PFKFB3: variants seen among roughly 807,000 people sequenced by gnomAD.
PFKFB3 encodes the protein 6-phosphofructo-2-kinase/fructose-2,6-biphosphatase 3.
In PFKFB3, 33 loss-of-function variants were observed where a neutral mutation model predicts 68.0. The ratio of observed to expected loss-of-function variants is 0.49; its 90% CI spans 0.37 to 0.65. The LOEUF is 0.65. Ranked by LOEUF, PFKFB3 falls within the 30% of genes least tolerant of loss-of-function variation. PFKFB3 has a pLI of 0.00. For synonymous variants in PFKFB3, 315 were observed against 288.2 expected (o/e 1.09, Z -0.94); for missense variants, 586 against 712.2 (o/e 0.82, Z 2.02).
intron 1 of PFKFB3, among the ~76,000 whole-genome samples, chr10:6,177,401 T>TTTCTTTCTTTC (rs1367142859): frequency 6.9e-6 from 1 of 143,932 alleles, no homozygotes; most frequent in African/African-American, 2.5e-5. Context: ...TCTTTCTTTC[T>TTTCTTTCTTTC]TTCTTTCTTC....
chr10:6,203,398 G>A, intron 1 of PFKFB3, 62 bp downstream of exon 1: 1 of 1,383,906 alleles, frequency 7.2e-7, no homozygotes, highest in South Asian at 1.3e-5. Context: ...GCCATTGTGT[G>A]GGGCGGCTTT....
At chr10:6,165,827 T>C (rs1452656655) in intron 1 of PFKFB3, among the ~76,000 whole-genome samples, 1 of 152,076 alleles carries the variant, frequency 6.6e-6, no homozygotes, top group Non-Finnish European at 1.5e-5. Context: ...CTTTGTTTTT[T>C]TTTTTGAGAC....
Position 6,202,966 on chromosome 10 carries a change from G to A in PFKFB3, c.-295G>A, listed in dbSNP as rs1843431958. 6 of 1,287,362 alleles carry A rather than the reference G, an allele frequency of 4.7e-6. No individual in the cohort carries two copies. Among genetic ancestry groups the A allele is most frequent in the South Asian group, 3.8e-5 (2 of 52,618 alleles). The allele number at this position is 1,287,362 out of a possible 1,614,324, so 79.7% of individuals were successfully genotyped here. Reference sequence around the variant, plus strand: ...GGAGAGGAGGCGAGCAGCAGGGCCTGGTGGCGAGAGCGCGGCTGTCACTGC... The same window carrying A: ...GGAGAGGAGGCGAGCAGCAGGGCCTAGTGGCGAGAGCGCGGCTGTCACTGC... On this transcript the variant is annotated 5_prime_UTR_variant, in exon 1 of 15. Transcript: ENST00000379775.
At chr10:6,315,369 G>T in the PFKFB3 span, among the ~76,000 whole-genome samples, 10 of 152,348 alleles carry the variant, frequency 6.6e-5, no homozygotes, top group East Asian at 1.9e-3. Context: ...TAAAGCGAAA[G>T]CAAGTTTATT....
At chr10:6,311,931 C>G in the PFKFB3 span, among the ~76,000 whole-genome samples, 2 of 152,104 alleles carry the variant, frequency 1.3e-5, no homozygotes, top group Non-Finnish European at 2.9e-5. Flanking sequence ...AAACCAGGTC[C>G]CTGAAATAGC....
At chr10:6,304,594 C>G in the PFKFB3 span, among the ~76,000 whole-genome samples, 1 of 151,322 alleles carries the variant, frequency 6.6e-6, no homozygotes, top group African/African-American at 2.4e-5. Context: ...CTCCTGATCT[C>G]AAGTGATCTG....
intron 10 of PFKFB3, 45 bp from the exon 11 acceptor site, chr10:6,222,810 T>G: frequency 6.4e-7 from 1 of 1,573,092 alleles, no homozygotes; most frequent in Non-Finnish European, 8.7e-7. Flanking sequence ...GCAGAGCCCC[T>G]CCCGAGTGCC....
At chr10:6,311,139 C>T in the PFKFB3 span, among the ~76,000 whole-genome samples, 1 of 152,214 alleles carries the variant, frequency 6.6e-6, no homozygotes, top group Non-Finnish European at 1.5e-5. Flanking sequence ...TTTGTGGTTT[C>T]ACAGCCTCTC....
At chr10:6,306,733 C>G in the PFKFB3 span, among the ~76,000 whole-genome samples, 8 of 152,192 alleles carry the variant, frequency 5.3e-5, no homozygotes, top group Non-Finnish European at 1.0e-4. Context: ...GTCCTGGGCC[C>G]TGCAAAGGAG....
the PFKFB3 span, among the ~76,000 whole-genome samples, chr10:6,311,490 T>C: frequency 4.8e-5 from 7 of 144,522 alleles, 1 homozygote; most frequent in South Asian, 1.6e-3. Context: ...CCAGTGGCTC[T>C]CTGGGCCCAG....
the PFKFB3 span, among the ~76,000 whole-genome samples, chr10:6,266,145 G>A: frequency 2.0e-5 from 3 of 152,174 alleles, no homozygotes; most frequent in South Asian, 4.1e-4. Flanking sequence ...TTGGGCTCAA[G>A]TGATCCTTCT....
At chr10:6,288,774 G>A in the PFKFB3 span, among the ~76,000 whole-genome samples, 43 of 152,236 alleles carry the variant, frequency 2.8e-4, no homozygotes, top group Middle Eastern at 6.8e-3. Context: ...TTGCAGAATC[G>A]CCACACTGTC....
the PFKFB3 span, among the ~76,000 whole-genome samples, chr10:6,297,776 C>T: frequency 1.3e-5 from 2 of 152,240 alleles, no homozygotes; most frequent in Admixed American, 6.5e-5. Flanking sequence ...GTAGGCTGAC[C>T]TTTCCTTCTC....
chr10:6,218,076 A>G (rs1466522051), intron 6 of PFKFB3, among the ~76,000 whole-genome samples: 1 of 152,208 alleles, frequency 6.6e-6, no homozygotes, highest in Non-Finnish European at 1.5e-5. Flanking sequence ...AAGTCAGTTT[A>G]GATTTGTCCA....
downstream of PFKFB3, among the ~76,000 whole-genome samples, chr10:6,236,581 C>G (rs1017688748): frequency 6.6e-6 from 1 of 152,238 alleles, no homozygotes; most frequent in African/African-American, 2.4e-5. Context: ...GGGTTGCGAT[C>G]TGGCTGCAGC....
intron 1 of PFKFB3, among the ~76,000 whole-genome samples, chr10:6,149,019 C>T (rs1841490955): frequency 1.3e-5 from 2 of 152,172 alleles, no homozygotes; most frequent in Admixed American, 1.3e-4. Context: ...TTCAAGGCTG[C>T]AGTGAGCTAC....
chr10:6,188,104 G>C (rs1737361847), intron 1 of PFKFB3, among the ~76,000 whole-genome samples: 1 of 151,892 alleles, frequency 6.6e-6, no homozygotes, highest in South Asian at 2.1e-4. Flanking sequence ...AAGACAGAGA[G>C]AAATATATGT....
At chr10:6,287,165 C>A in the PFKFB3 span, among the ~76,000 whole-genome samples, 2 of 152,176 alleles carry the variant, frequency 1.3e-5, no homozygotes, top group Non-Finnish European at 2.9e-5. Context: ...CAGCTCACTG[C>A]AACCTCCATC....
chr10:6,205,369 G>A (rs1843612563), intron 1 of PFKFB3, among the ~76,000 whole-genome samples: 1 of 148,506 alleles, frequency 6.7e-6, no homozygotes, highest in Non-Finnish European at 1.5e-5. Context: ...TGGGACATTG[G>A]GTGGGTTTTT....
Sources: gnomAD v4.1 joint callset for allele counts (sites outside exome capture counted in the v4.1 genomes callset) on GRCh38, gnomAD v4.1.1 for gene constraint, MANE v1.5 for transcripts, NCBI Gene and HGNC (gene_info 2026-07-23, HGNC 2026-07-21) for gene names.